The following CEP164 variants were observed in gnomAD, a reference collection of about 807,000 sequenced individuals.
CEP164 encodes centrosomal protein 164, also known as centrosomal protein of 164 kDa.
Under a neutral mutation model 182.7 loss-of-function variants are expected in CEP164, and 162 were observed. That is an observed-to-expected ratio of 0.89 (90% CI 0.78 to 1.01). The LOEUF (loss-of-function observed/expected upper bound fraction) is 1.01. Among genes scored for constraint, CEP164 ranks in the 50% least tolerant of loss-of-function variants. CEP164 has a pLI of 0.00. For synonymous variants in CEP164, 661 were observed against 690.0 expected (o/e 0.96, Z 0.66); for missense variants, 1,735 against 1,790.4 (o/e 0.97, Z 0.56).
chr11:117,386,072 T>C (rs2043915881), intron 14 of CEP164: 1 of 152,216 alleles, frequency 6.6e-6, no homozygotes, highest in South Asian at 2.1e-4. Flanking sequence ...CCAGCTCCCC[T>C]GTTTGACTCT....
chr11:117,362,514 G>A lies in CEP164; in HGVS notation c.663G>A (p.Glu221=). Residue 221 remains glutamate, a synonymous_variant, in exon 7 of 33, where the codon GAG becomes GAA. Transcript: ENST00000278935. The part of the protein sequence containing the change: ...LLGLGEETNE[E]DEEESDNQSV... Reference sequence around the variant, plus strand: ...GTTTAGGAGAAGAAACCAATGAGGAGGATGAGGAGGAAAGTGACAACCAGG... The same window carrying A: ...GTTTAGGAGAAGAAACCAATGAGGAAGATGAGGAGGAAAGTGACAACCAGG... The A allele has an allele frequency of 6.2e-7, 1 of 1,613,590 alleles. No individual in the cohort carries two copies. Among genetic ancestry groups the A allele is most frequent in the Non-Finnish European group, 8.5e-7 (1 of 1,179,950 alleles).
Position 117,387,190 on chromosome 11 carries a change from C to A in CEP164, c.1725-13C>A, listed in dbSNP as rs752215409. On this transcript the variant is annotated splice_polypyrimidine_tract_variant and intron_variant, in intron 14 of 32. Transcript: ENST00000278935. The stretch of plus-strand genomic sequence containing the variant: ...TAACCCTGTGATGATATGCCATTCC[C>A]CACCCATGGTAGGCGATCCACAGAG... 1 of 1,612,894 alleles carries A rather than the reference C, an allele frequency of 6.2e-7. No homozygotes were observed. The highest frequency in any genetic ancestry group is 8.5e-7 in the Non-Finnish European group (1 of 1,179,108).
chr11:117,405,125 A>G (rs2046528936), intron 27 of CEP164, among the ~76,000 whole-genome samples: 1 of 152,142 alleles, frequency 6.6e-6, no homozygotes, highest in Non-Finnish European at 1.5e-5. Context: ...TAGACCACTT[A>G]GCTCCCTGGC....
At chr11:117,323,527 G>A (rs780816596), upstream of CEP164, among the ~76,000 whole-genome samples, 43 of 151,902 alleles carry the variant, frequency 2.8e-4, no homozygotes, top group Non-Finnish European at 5.1e-4. Context: ...TGCATATCTT[G>A]GGTAATGTAA....
chr11:117,373,605 G>A, intron 9 of CEP164, 146 bp from the exon 10 acceptor site: 1 of 690,016 alleles, frequency 1.4e-6, no homozygotes, highest in South Asian at 1.8e-5. Flanking sequence ...GGGTCCACAG[G>A]CCTCGTTTAG....
At chr11:117,322,507 C>T (rs972321208) in intron 1 of CEP164, among the ~76,000 whole-genome samples, 12 of 152,100 alleles carry the variant, frequency 7.9e-5, no homozygotes, top group Non-Finnish European at 1.2e-4. Flanking sequence ...TTACTGTTAA[C>T]CATTGTCACC....
At chr11:117,336,334 C>A in intron 2 of CEP164, 1 of 1,476,168 alleles carries the variant, frequency 6.8e-7, no homozygotes, top group Admixed American at 1.7e-5. Context: ...CACTGCTGGT[C>A]TGACCATGCC....
chr11:117,341,785 A>G (rs2038165923), intron 3 of CEP164, among the ~76,000 whole-genome samples: 1 of 152,078 alleles, frequency 6.6e-6, no homozygotes, highest in Non-Finnish European at 1.5e-5. Flanking sequence ...ACTGGTTGTC[A>G]CAGGTCCTTT....
Position 117,409,856 on chromosome 11 carries a change from C to T in CEP164, c.3987C>T (p.Pro1329=). 6.2e-7 allele frequency: 1 copy of T among 1,613,696 alleles called. No individual in the cohort carries two copies. Among genetic ancestry groups the T allele is most frequent in the Non-Finnish European group, 8.5e-7 (1 of 1,179,888 alleles). ...ARFSALSSAT[P]TSTQWAWDSG... ...TCTCAGCCTTATCATCTGCTACACC[C>T]ACGTCCACCCAATGGGCCTGGGATT... The change falls in exon 30 of 33, where the codon CCC becomes CCT. Residue 1329 remains proline, a synonymous_variant. Transcript: ENST00000278935. This position sits in a 1 kb window ranked among gnomAD's most constrained non-coding sequence, Gnocchi z 4.4.
chr11:117,349,462 C>T (rs1397553012), intron 4 of CEP164, among the ~76,000 whole-genome samples: 5 of 152,130 alleles, frequency 3.3e-5, no homozygotes, highest in Admixed American at 3.3e-4. Context: ...TGCTGGGTCA[C>T]ATGGTAATTC....
At chr11:117,352,014 G>A in intron 5 of CEP164, 26 bp downstream of exon 5, 1 of 1,547,430 alleles carries the variant, frequency 6.5e-7, no homozygotes, top group Middle Eastern at 1.7e-4. Context: ...CCTCCTCCCA[G>A]AGAGGCCAGG....
chr11:117,362,758 A>G (rs1259600190), intron 7 of CEP164, among the ~76,000 whole-genome samples: 1 of 151,902 alleles, frequency 6.6e-6, no homozygotes, highest in Non-Finnish European at 1.5e-5. Flanking sequence ...GCCACTATTC[A>G]TTTCTAGAAC....
intron 12 of CEP164, among the ~76,000 whole-genome samples, chr11:117,380,992 T>C (rs1265259724): frequency 6.6e-6 from 1 of 152,210 alleles, no homozygotes; most frequent in Non-Finnish European, 1.5e-5. Context: ...TTGGCAGGAC[T>C]CTGGGCACCA....
At chr11:117,327,709 G>C (rs925623334), upstream of CEP164, 1 of 152,052 alleles carries the variant, frequency 6.6e-6, no homozygotes, top group Non-Finnish European at 1.5e-5. Context: ...CACTCCCATC[G>C]TGCAACGGAA....
chr11:117,345,889 G>T (rs2038821226), intron 4 of CEP164, among the ~76,000 whole-genome samples: 1 of 152,194 alleles, frequency 6.6e-6, no homozygotes, highest in South Asian at 2.1e-4. Flanking sequence ...GTTTCGCCAT[G>T]TTGGCCAGGC....
Position 117,363,463 on chromosome 11 carries a change from T to C in CEP164, c.722T>C (p.Leu241Pro). ...VHSSSEPLRN[L>P]HLDIGALGGD... Reference sequence around the variant, plus strand: ...AGCTCAAGTGAGCCTCTTAGGAACCTACACCTGGACATTGGGGCACTGGGG... The same window carrying C: ...AGCTCAAGTGAGCCTCTTAGGAACCCACACCTGGACATTGGGGCACTGGGG... The change falls in exon 8 of 33, where the codon CTA becomes CCA. Residue 241 changes from leucine (L) to proline (P), a missense_variant. Leu to Pro is a moderately conservative substitution (Grantham distance 98). Transcript: ENST00000278935. The C allele has an allele frequency of 6.2e-7, 1 of 1,614,090 alleles. No individual in the cohort carries two copies. Among genetic ancestry groups the C allele is most frequent in the Non-Finnish European group, 8.5e-7 (1 of 1,179,938 alleles).
At chr11:117,353,919 C>T (rs1347657341) in intron 5 of CEP164, among the ~76,000 whole-genome samples, 2 of 152,084 alleles carry the variant, frequency 1.3e-5, no homozygotes, top group Non-Finnish European at 2.9e-5. Context: ...TTTCAAGTCT[C>T]GGGTCATTTG....
intron 17 of CEP164, 83 bp from the exon 18 acceptor site, chr11:117,392,143 G>A: frequency 8.0e-7 from 1 of 1,250,880 alleles, no homozygotes; most frequent in Non-Finnish European, 1.1e-6. Context: ...GAGGGCTTGG[G>A]GGTCGGTAGT....
intron 26 of CEP164, 41 bp downstream of exon 26, chr11:117,396,652 A>T: frequency 6.7e-7 from 1 of 1,496,418 alleles, no homozygotes; most frequent in Non-Finnish European, 9.3e-7. Flanking sequence ...TTAGGGTACC[A>T]TGAAGGGGTA....
Sources: allele counts gnomAD v4.1 joint callset (sites outside exome capture counted in the v4.1 genomes callset), GRCh38; gene constraint gnomAD v4.1.1; non-coding constraint Gnocchi (gnomAD v3.1); transcripts MANE v1.5; gene names NCBI Gene and HGNC (gene_info 2026-07-23, HGNC 2026-07-21).